MED16: variants seen among roughly 807,000 people sequenced by gnomAD.
MED16 encodes the protein mediator of RNA polymerase II transcription subunit 16.
In MED16, 81 loss-of-function variants were observed where a neutral mutation model predicts 84.4. That is an observed-to-expected ratio of 0.96 (90% CI 0.80 to 1.15). The LOEUF (loss-of-function observed/expected upper bound fraction) is 1.15, where lower values mean the gene tolerates loss of function less well. Among genes scored for constraint, MED16 ranks in the 50% most tolerant of loss-of-function variants. The pLI, the probability that MED16 is intolerant of heterozygous loss-of-function variation, is 0.00. For synonymous variants in MED16, 897 were observed against 552.2 expected (o/e 1.62, Z -8.76); for missense variants, 1,585 against 1,245.9 (o/e 1.27, Z -4.10).
intron 5 of MED16, 122 bp downstream of exon 5, chr19:885,648 C>A (rs1422472500): frequency 1.7e-6 from 2 of 1,187,062 alleles, no homozygotes; most frequent in Non-Finnish European, 1.2e-6. Flanking sequence ...CGGGAGGGAC[C>A]GGCCCTGCCC....
At chr19:881,114 G>A (rs1034854365) in intron 7 of MED16, among the ~76,000 whole-genome samples, 3 of 151,586 alleles carry the variant, frequency 2.0e-5, no homozygotes, top group Non-Finnish European at 4.4e-5. Context: ...GAAAGGGCCT[G>A]AGCTAGGGCC....
intron 15 of MED16, 30 bp from the exon 16 acceptor site, chr19:868,281 G>C (rs201452972): frequency 1.1e-5 from 18 of 1,589,376 alleles, no homozygotes; most frequent in Non-Finnish European, 1.5e-5. Flanking sequence ...TAACCGCGCC[G>C]AGGAGAGTCC....
intron 1 of MED16, 112 bp from the exon 2 acceptor site, chr19:891,261 G>T: frequency 9.2e-7 from 1 of 1,081,176 alleles, no homozygotes; most frequent in Non-Finnish European, 1.3e-6. Flanking sequence ...GGGAACAGCC[G>T]ATGCAAAGGC....
chr19:890,445 T>C (rs1425955574), intron 2 of MED16: 2 of 474,182 alleles, frequency 4.2e-6, no homozygotes, highest in Admixed American at 3.8e-5. Flanking sequence ...CACAACTGTG[T>C]CTTTAAAACC....
chr19:875,165 A>G (rs2036199757), intron 10 of MED16, 79 bp downstream of exon 10: 1 of 1,040,858 alleles, frequency 9.6e-7, no homozygotes. Context: ...CCCTATCTCA[A>G]AAGAGTAAAA....
intron 13 of MED16, among the ~76,000 whole-genome samples, 175 bp downstream of exon 13, chr19:870,862 G>A (rs1258930389): frequency 1.4e-5 from 2 of 147,444 alleles, no homozygotes; most frequent in Non-Finnish European, 3.0e-5. Flanking sequence ...ATGGAGGGAG[G>A]GAGCCGTGTG....
At chr19:872,623 C>CCCCATTTCACGA in intron 11 of MED16, among the ~76,000 whole-genome samples, 1 of 149,866 alleles carries the variant, frequency 6.7e-6, no homozygotes, top group Admixed American at 6.6e-5. Flanking sequence ...CAGAAGAAAT[C>CCCCATTTCACGA]ACAGCTGGGG....
Position 885,321 on chromosome 19 carries a change from G to A in MED16, c.880-313C>T, listed in dbSNP as rs557129161. ...ATTACAACAGGAATCCAGGCGACCT[G>A]GTGTGGTCGGCTCAACAGTGGCCCC... On this transcript the variant is annotated intron_variant, in intron 5 of 15. Coordinates refer to ENST00000325464, the MANE Select transcript of MED16 (RefSeq NM_005481.3). 9.8e-5 allele frequency among the ~76,000 whole-genome samples: 15 copies of A among 152,286 alleles called. 1 individual carries two copies. In the East Asian group the frequency reaches 1.9e-3, roughly 20 times the overall value.
intron 9 of MED16, among the ~76,000 whole-genome samples, chr19:875,773 G>A (rs963381037): frequency 2.0e-5 from 3 of 152,130 alleles, no homozygotes; most frequent in African/African-American, 7.2e-5. Flanking sequence ...CTGCTCAACA[G>A]GACACCCCCA....
intron 13 of MED16, among the ~76,000 whole-genome samples, chr19:870,524 G>A (rs929115845): frequency 2.0e-5 from 3 of 149,274 alleles, no homozygotes; most frequent in African/African-American, 7.5e-5. Context: ...CGGCACTACT[G>A]CACTCCAGCC....
intron 2 of MED16, chr19:890,491 G>A (rs535133300): frequency 1.1e-5 from 5 of 442,878 alleles, no homozygotes; most frequent in Middle Eastern, 5.8e-4. Context: ...TGTGAACAGT[G>A]GGAGCCTCTC....
intron 2 of MED16, 35 bp downstream of exon 2, chr19:890,928 G>A (rs781210774): frequency 5.0e-5 from 80 of 1,602,560 alleles, no homozygotes; most frequent in South Asian, 9.9e-5. Flanking sequence ...GACACCATGC[G>A]GCCGGGAGGG....
rs1301083805 is a variant in MED16, at chr19:885,913, C to T, written c.736G>A (p.Val246Met). 7 of 1,613,562 alleles carry T rather than the reference C, an allele frequency of 4.3e-6. No homozygotes were observed. Among genetic ancestry groups the T allele is most frequent in the East Asian group, 4.5e-5 (2 of 44,870 alleles). ...ASPVQFYKVC[V>M]SVVSEKCRID... Reference sequence around the variant, plus strand: ...CGGCACTTCTCGCTCACCACGCTCACGCACACCTTGTAGAACTGCACGGGC... The same window carrying T: ...CGGCACTTCTCGCTCACCACGCTCATGCACACCTTGTAGAACTGCACGGGC... Residue 246 changes from valine to methionine, a missense_variant, in exon 5 of 16, where the codon GTG becomes ATG. Val to Met is a conservative substitution (Grantham distance 21, BLOSUM62 1). Transcript: ENST00000325464.
Position 872,075 on chromosome 19 carries a change from G to C in MED16, c.1949C>G (p.Thr650Ser). The change falls in exon 12 of 16, where the codon ACC becomes AGC. Residue 650 changes from threonine to serine, a missense_variant. Coordinates refer to ENST00000325464, the MANE Select transcript of MED16 (RefSeq NM_005481.3). ...CAATTCCCGAAGCATGCCCAGCGAG[G>C]TGCCGTCCCGCAGAAAGCTGTGGCC... Reference protein sequence around the residue: ...RPGHSFLRDGTSLGMLRELMV... With the variant: ...RPGHSFLRDGSSLGMLRELMV... 2.5e-6 allele frequency: 4 copies of C among 1,609,474 alleles called. No homozygotes were observed. The highest frequency in any genetic ancestry group is 3.4e-6 in the Non-Finnish European group (4 of 1,178,170).
intron 4 of MED16, among the ~76,000 whole-genome samples, chr19:887,042 A>G (rs73492588): frequency 0.018 from 2,736 of 151,802 alleles, 70 homozygotes; most frequent in African/African-American, 0.062. Context: ...TCACACCATT[A>G]CACTCTGGCC....
At chr19:877,974 C>CAGCTCACCTTCCCCTGGCTGTCAATG (rs2036298557) in intron 8 of MED16, among the ~76,000 whole-genome samples, 1 of 93,970 alleles carries the variant, frequency 1.1e-5, no homozygotes. Flanking sequence ...CCAGCCCCAG[C>CAGCTCACCTTCCCCTGGCTGTCAATG]CCCACGTGCC....
At chr19:889,507 T>A in intron 4 of MED16, 131 bp downstream of exon 4, 1 of 1,018,542 alleles carries the variant, frequency 9.8e-7, no homozygotes. Context: ...ACAGCCGGAC[T>A]GCAGGTGGGA....
At chr19:870,996 A>C in intron 13 of MED16, 41 bp downstream of exon 13, 10 of 1,503,314 alleles carry the variant, frequency 6.7e-6, no homozygotes, top group African/African-American at 1.4e-5. Flanking sequence ...ACACGGAGGA[A>C]GGAGTCCTGT....
chr19:879,481 C>T (rs529649218), intron 8 of MED16, among the ~76,000 whole-genome samples: 15 of 143,242 alleles, frequency 1.0e-4, no homozygotes, highest in African/African-American at 3.6e-4. Flanking sequence ...CAATGCCCAC[C>T]AGCCCCAGCC....
Sources: gnomAD v4.1 joint callset for allele counts (sites outside exome capture counted in the v4.1 genomes callset) on GRCh38, gnomAD v4.1.1 for gene constraint, MANE v1.5 for transcripts, NCBI Gene and HGNC (gene_info 2026-07-23, HGNC 2026-07-21) for gene names.